The following GSE1 variants were observed in gnomAD, a reference collection of about 807,000 sequenced individuals.
GSE1 encodes genetic suppressor element 1.
GSE1 carries 32 observed loss-of-function variants against 112.6 expected under a neutral mutation model. That is an observed-to-expected ratio of 0.28 (90% CI 0.21 to 0.38). The LOEUF (loss-of-function observed/expected upper bound fraction) is 0.38, where lower values mean the gene tolerates loss of function less well. Ranked by LOEUF, GSE1 falls within the 10% of genes least tolerant of loss-of-function variation. The probability of loss-of-function intolerance (pLI) is 1.00; values close to 1 mark genes in which losing one functional copy is unlikely to be tolerated. For synonymous variants in GSE1, 1,115 were observed against 735.6 expected, an observed-to-expected ratio of 1.52 and a Z score of -8.35; for missense variants, 2,348 against 1,699.2, an observed-to-expected ratio of 1.38 and a Z score of -6.71.
intron 2 of GSE1, among the ~76,000 whole-genome samples, chr16:85,525,735 C>T (rs1254061726): frequency 6.6e-6 from 1 of 152,222 alleles, no homozygotes; most frequent in African/African-American, 2.4e-5. Flanking sequence ...CAAATCCTAT[C>T]TCCACAGTTG....
At chr16:85,496,916 T>C (rs1313798044) in intron 2 of GSE1, among the ~76,000 whole-genome samples, 1 of 139,074 alleles carries the variant, frequency 7.2e-6, no homozygotes, top group Non-Finnish European at 1.6e-5. Flanking sequence ...TTTTTTTTCT[T>C]GAAATGGAGT....
intron 1 of GSE1, among the ~76,000 whole-genome samples, chr16:85,235,022 A>T (rs943960322): frequency 2.6e-5 from 4 of 151,120 alleles, no homozygotes; most frequent in Non-Finnish European, 5.9e-5. Context: ...TCGCATCCCC[A>T]GGACCCTCAG....
intron 1 of GSE1, among the ~76,000 whole-genome samples, chr16:85,261,674 G>A (rs140282978): frequency 1.1e-4 from 16 of 152,294 alleles, no homozygotes; most frequent in African/African-American, 3.9e-4. Context: ...ACTGACTTTC[G>A]GCAGTGTCCA....
rs535170774 is a variant in GSE1, at chr16:85,589,698, A to C, written c.37+33335A>C. Among the ~76,000 whole-genome samples the C allele has an allele frequency of 3.3e-5, 5 of 152,164 alleles. 1 individual carries two copies. The South Asian group carries it at 1.0e-3, about 32-fold the overall frequency. On this transcript the variant is annotated intron_variant, in intron 1 of 2. Coordinates refer to the GSE1 transcript ENST00000635906. Reference sequence around the variant, plus strand: ...GGTGTATGGAATGTGAACGTGAGATATTGTGTGTGTGTGAACGTGTGAATG... The same window carrying C: ...GGTGTATGGAATGTGAACGTGAGATCTTGTGTGTGTGTGAACGTGTGAATG...
At chr16:85,446,073 G>C (rs1346459830) in intron 2 of GSE1, among the ~76,000 whole-genome samples, 1 of 152,200 alleles carries the variant, frequency 6.6e-6, no homozygotes, top group African/African-American at 2.4e-5. Flanking sequence ...TTAGCTGCTG[G>C]TATCAGCGCC....
intron 1 of GSE1, among the ~76,000 whole-genome samples, chr16:85,172,147 G>C (rs2074369605): frequency 6.6e-6 from 1 of 152,288 alleles, no homozygotes; most frequent in South Asian, 2.1e-4. Flanking sequence ...GGGCATGTCT[G>C]TCATCCGCCT....
intron 1 of GSE1, among the ~76,000 whole-genome samples, chr16:85,213,489 A>T (rs1185631035): frequency 6.6e-6 from 1 of 152,180 alleles, no homozygotes; most frequent in Non-Finnish European, 1.5e-5. Context: ...CCCTACTATT[A>T]TAATAACAGT....
chr16:85,354,423 G>A (rs1208866271), intron 1 of GSE1, among the ~76,000 whole-genome samples: 4 of 152,270 alleles, frequency 2.6e-5, no homozygotes, highest in Non-Finnish European at 5.9e-5. Context: ...TAGGTGCTCA[G>A]TAAAAAGGGT....
chr16:85,590,548 CGT>C (rs148010151), intron 1 of GSE1, among the ~76,000 whole-genome samples: 2 of 134,354 alleles, frequency 1.5e-5, no homozygotes, highest in African/African-American at 2.8e-5. Flanking sequence ...TGTGACATTG[CGT>C]GTGTGACTGG....
rs142570841 is a variant in GSE1 at position 85,314,576 on chromosome 16, A to G, written c.2284-42887A>G. ...AGCATGTACACACACACACGTGAGC[A>G]TGTGCACACACACGAACACACCCAC... On this transcript the variant is annotated intron_variant, in intron 1 of 2. Transcript: ENST00000637419. 2.0e-3 allele frequency among the ~76,000 whole-genome samples: 310 copies of G among 152,220 alleles called. 1 individual carries two copies. Among genetic ancestry groups the G allele is most frequent in the African/African-American group, 7.3e-3 (304 of 41,542 alleles).
chr16:85,488,792 C>T (rs545671197), intron 2 of GSE1, among the ~76,000 whole-genome samples: 1 of 152,272 alleles, frequency 6.6e-6, no homozygotes, highest in East Asian at 1.9e-4. Context: ...GAGAATTAGG[C>T]AAGGGCCTCT....
At chr16:85,645,459 T>C (rs959198303) in intron 2 of GSE1, among the ~76,000 whole-genome samples, 1 of 152,130 alleles carries the variant, frequency 6.6e-6, no homozygotes, top group East Asian at 1.9e-4. Flanking sequence ...GAGGCCCAGA[T>C]ACCGTTCTGC....
At chr16:85,284,067 G>A (rs1338652837) in intron 1 of GSE1, among the ~76,000 whole-genome samples, 2 of 152,172 alleles carry the variant, frequency 1.3e-5, no homozygotes, top group South Asian at 2.1e-4. Context: ...TTAAATGCAT[G>A]CCCGTGGCTG....
At position 85,501,652 on chromosome 16, in the gene GSE1, C is replaced by T. The variant is rs139623209; in HGVS notation, c.2465-132262C>T. On this transcript the variant is annotated intron_variant, in intron 2 of 2. Transcript: ENST00000637419. ...TCGGCAACCCTCCCACCTCGGCCTC[C>T]CAAAGCGCTAGGATTACAGGCGTGA... is the stretch of plus-strand genomic sequence containing the variant. Among the ~76,000 whole-genome samples the T allele has an allele frequency of 6.3e-3, 955 of 152,298 alleles. 8 individuals are homozygous for T. Among genetic ancestry groups the T allele is most frequent in the African/African-American group, 0.022 (908 of 41,552 alleles).
chr16:85,638,339 C>G (rs2050170554), intron 2 of GSE1, among the ~76,000 whole-genome samples: 3 of 152,186 alleles, frequency 2.0e-5, no homozygotes, highest in South Asian at 2.1e-4. Context: ...AGCTCAGTCA[C>G]CCGCCCACCA....
intron 2 of GSE1, chr16:85,359,488 T>C (rs2047020337): frequency 2.2e-6 from 1 of 449,588 alleles, no homozygotes; most frequent in Admixed American, 2.4e-5. Flanking sequence ...GAATGAGTCA[T>C]CCTGAGCCTC....
At chr16:85,483,292 C>T (rs958906508) in intron 2 of GSE1, among the ~76,000 whole-genome samples, 1 of 152,258 alleles carries the variant, frequency 6.6e-6, no homozygotes, top group Non-Finnish European at 1.5e-5. Flanking sequence ...CCGCTGTTCC[C>T]TGCCTGGGTG....
chr16:85,258,187 C>T (rs1907284334), intron 1 of GSE1, among the ~76,000 whole-genome samples: 1 of 152,204 alleles, frequency 6.6e-6, no homozygotes, highest in Non-Finnish European at 1.5e-5. Flanking sequence ...TCAGAAGGGA[C>T]AGAGTTGGGC....
At chr16:85,601,376 T>C (rs544317934) in intron 1 of GSE1, among the ~76,000 whole-genome samples, 2 of 151,934 alleles carry the variant, frequency 1.3e-5, no homozygotes, top group Admixed American at 1.3e-4. Flanking sequence ...GGAGCAACTT[T>C]ACTGGCACTG....
Sources: gnomAD v4.1 joint callset for allele counts (sites outside exome capture counted in the v4.1 genomes callset) on GRCh38, gnomAD v4.1.1 for gene constraint, MANE v1.5 for transcripts, NCBI Gene and HGNC (gene_info 2026-07-23, HGNC 2026-07-21) for gene names.